The following CSMD1 variants were observed in gnomAD, a reference collection of about 807,000 sequenced individuals.
CSMD1 encodes the protein CUB and Sushi multiple domains 1, also known as CUB and sushi domain-containing protein 1.
Under a neutral mutation model 417.5 loss-of-function variants are expected in CSMD1, and 213 were observed. That is an observed-to-expected ratio of 0.51 (90% CI 0.46 to 0.57). The LOEUF (loss-of-function observed/expected upper bound fraction) is 0.57, where lower values mean the gene tolerates loss of function less well. Ranked by LOEUF, CSMD1 falls within the 20% of genes least tolerant of loss-of-function variation. The pLI is 0.00. For synonymous variants in CSMD1, 2,862 were observed against 1,736.8 expected (o/e 1.65, Z -16.11); for missense variants, 6,923 against 4,529.7 (o/e 1.53, Z -15.17).
At chr8:3,228,333 A>G (rs536475144) in intron 27 of CSMD1, among the ~76,000 whole-genome samples, 3 of 152,264 alleles carry the variant, frequency 2.0e-5, no homozygotes, top group Non-Finnish European at 2.9e-5. Context: ...CAAGCTTCTT[A>G]CAGAGGACAT....
chr8:3,925,481 G>T (rs1182054100), intron 5 of CSMD1, among the ~76,000 whole-genome samples: 1 of 152,170 alleles, frequency 6.6e-6, no homozygotes, highest in Non-Finnish European at 1.5e-5. Context: ...TCATAATGCT[G>T]GGTGGTAAGA....
intron 10 of CSMD1, among the ~76,000 whole-genome samples, chr8:3,542,035 T>C (rs1798462311): frequency 6.6e-6 from 1 of 152,164 alleles, no homozygotes; most frequent in Non-Finnish European, 1.5e-5. Context: ...AAATATTTGT[T>C]GTTAATTATC....
At chr8:3,527,260 A>C (rs775537503) in intron 10 of CSMD1, among the ~76,000 whole-genome samples, 13 of 152,214 alleles carry the variant, frequency 8.5e-5, no homozygotes, top group Admixed American at 4.6e-4. Context: ...CAGGGCGCTG[A>C]TAGGGAATTA....
intron 10 of CSMD1, among the ~76,000 whole-genome samples, chr8:3,524,480 T>C (rs1171633374): frequency 2.1e-5 from 3 of 143,214 alleles, no homozygotes; most frequent in African/African-American, 8.3e-5. Flanking sequence ...CAGAAAGACA[T>C]GTGCACACAC....
intron 33 of CSMD1, among the ~76,000 whole-genome samples, chr8:3,196,497 T>C (rs1040270143): frequency 6.6e-6 from 1 of 152,136 alleles, no homozygotes; most frequent in African/African-American, 2.4e-5. Flanking sequence ...TCTCTTGGGG[T>C]CTGGATCCGC....
At chr8:3,131,509 T>C (rs985157292) in intron 41 of CSMD1, among the ~76,000 whole-genome samples, 3 of 151,214 alleles carry the variant, frequency 2.0e-5, no homozygotes, top group Admixed American at 1.3e-4. Flanking sequence ...TCTCACTCTA[T>C]TGCTCAGGCT....
At chr8:3,767,637 G>C (rs61296875) in intron 5 of CSMD1, among the ~76,000 whole-genome samples, 1 of 151,856 alleles carries the variant, frequency 6.6e-6, no homozygotes, top group Non-Finnish European at 1.5e-5. Context: ...ATATATTCAC[G>C]CAATGCATAC....
intron 3 of CSMD1, among the ~76,000 whole-genome samples, chr8:4,297,966 G>C (rs962913508): frequency 6.6e-6 from 1 of 152,158 alleles, no homozygotes; most frequent in Non-Finnish European, 1.5e-5. Context: ...ATTACCTGAA[G>C]AGTGAATATG....
At chr8:3,957,927 C>T (rs1216331606) in intron 5 of CSMD1, among the ~76,000 whole-genome samples, 4 of 152,112 alleles carry the variant, frequency 2.6e-5, no homozygotes, top group Non-Finnish European at 4.4e-5. Context: ...ATCTACTTCT[C>T]AGGGCAGCAA....
intron 5 of CSMD1, among the ~76,000 whole-genome samples, chr8:3,896,573 G>A (rs1198253388): frequency 2.0e-5 from 3 of 151,654 alleles, no homozygotes; most frequent in Middle Eastern, 3.4e-3. Flanking sequence ...GTGCAGTGGC[G>A]TGATCTCGGC....
chr8:4,667,827 C>T (rs1805034638), intron 1 of CSMD1, among the ~76,000 whole-genome samples: 1 of 152,090 alleles, frequency 6.6e-6, no homozygotes, highest in Admixed American at 6.5e-5. Flanking sequence ...TTTATCCTTC[C>T]AATTTGTAAA....
At chr8:4,255,302 T>C (rs1001173137) in intron 3 of CSMD1, among the ~76,000 whole-genome samples, 2 of 152,180 alleles carry the variant, frequency 1.3e-5, no homozygotes, top group East Asian at 3.8e-4. Context: ...ACCTCCTATA[T>C]TGGTGAACTC....
At chr8:3,589,556 T>A (rs2117017241) in intron 8 of CSMD1, among the ~76,000 whole-genome samples, 1 of 152,292 alleles carries the variant, frequency 6.6e-6, no homozygotes, top group South Asian at 2.1e-4. Flanking sequence ...TGATCTCATT[T>A]CTAGGTGAAA....
chr8:3,995,156 T>C (rs1284904299), intron 5 of CSMD1, among the ~76,000 whole-genome samples: 1 of 152,248 alleles, frequency 6.6e-6, no homozygotes. Context: ...AATCATATTA[T>C]GCATTTGTAT....
At chr8:4,892,492 T>G (rs145395123) in intron 1 of CSMD1, among the ~76,000 whole-genome samples, 3 of 152,130 alleles carry the variant, frequency 2.0e-5, no homozygotes, top group Admixed American at 6.5e-5. Context: ...CTGAAAAATA[T>G]AGTAAATATT....
At chr8:3,819,706 C>G (rs1801612285) in intron 5 of CSMD1, among the ~76,000 whole-genome samples, 1 of 152,112 alleles carries the variant, frequency 6.6e-6, no homozygotes, top group Admixed American at 6.5e-5. Context: ...CCAATCTCAG[C>G]CTCCTGGGGA....
chr8:3,883,277 A>G (rs940615402), intron 5 of CSMD1, among the ~76,000 whole-genome samples: 9 of 152,180 alleles, frequency 5.9e-5, no homozygotes, highest in African/African-American at 1.9e-4. Context: ...AAGTATTTCC[A>G]GCTCACATGT....
intron 3 of CSMD1, among the ~76,000 whole-genome samples, chr8:4,290,478 C>G (rs568240396): frequency 6.6e-6 from 1 of 152,246 alleles, no homozygotes; most frequent in East Asian, 1.9e-4. Context: ...GTCAGGGACA[C>G]TGCATCTTTC....
chr8:4,277,806 C>T (rs1796569596), intron 3 of CSMD1, among the ~76,000 whole-genome samples: 3 of 152,046 alleles, frequency 2.0e-5, no homozygotes, highest in African/African-American at 4.8e-5. Context: ...GGAGTGCAGT[C>T]GTATAATCTC....
Sources: gnomAD v4.1 joint callset for allele counts (sites outside exome capture counted in the v4.1 genomes callset) on GRCh38, gnomAD v4.1.1 for gene constraint, MANE v1.5 for transcripts, NCBI Gene and HGNC (gene_info 2026-07-23, HGNC 2026-07-21) for gene names.